The following EDARADD variants were observed in gnomAD, a reference collection of about 807,000 sequenced individuals.
EDARADD encodes ectodysplasin-A receptor-associated adapter protein.
EDARADD carries 20 observed loss-of-function variants against 25.6 expected under a neutral mutation model. That is an observed-to-expected ratio of 0.78 (90% CI 0.55 to 1.14). The LOEUF (loss-of-function observed/expected upper bound fraction) is 1.14, where lower values mean the gene tolerates loss of function less well. EDARADD is among the 50% of genes most tolerant of loss of function. The probability of loss-of-function intolerance (pLI) is 0.00; values close to 1 mark genes in which losing one functional copy is unlikely to be tolerated. For synonymous variants in EDARADD, 86 were observed against 94.4 expected, an observed-to-expected ratio of 0.91 and a Z score of 0.52; for missense variants, 225 against 270.1, an observed-to-expected ratio of 0.83 and a Z score of 1.17.
At chr1:236,467,424 G>GCACACACACA (rs369424991) in intron 4 of EDARADD, among the ~76,000 whole-genome samples, 75 of 120,896 alleles carry the variant, frequency 6.2e-4, no homozygotes, top group East Asian at 2.5e-3. Context: ...GCACACACAC[G>GCACACACACA]CGCACACACA....
At position 236,395,338 on chromosome 1, in the gene EDARADD, C is replaced by T; in HGVS notation, c.61+833C>T. On this transcript the variant is annotated intron_variant, in intron 1 of 5. Transcript: ENST00000334232. This position sits in a 1 kb window ranked among gnomAD's most constrained non-coding sequence, Gnocchi z 6.9. ...CGGGGCCCCGCCTTGCGTCCCAGCC[C>T]CGGGTCGCGGCACCCCGGCTCCCGC... 7.6e-7 allele frequency: 1 copy of T among 1,317,204 alleles called. No homozygotes were observed. The highest frequency in any genetic ancestry group is 1.6e-5 in the South Asian group (1 of 61,374). 81.6% of individuals were successfully genotyped at this position (1,317,204 alleles called of 1,614,324 possible).
chr1:236,459,841 T>C (rs1658991224), intron 4 of EDARADD, among the ~76,000 whole-genome samples: 1 of 152,032 alleles, frequency 6.6e-6, no homozygotes, highest in Non-Finnish European at 1.5e-5. Flanking sequence ...CTCAAACTCC[T>C]GGCCTTAGGT....
At chr1:236,447,289 A>G (rs892092354) in intron 4 of EDARADD, among the ~76,000 whole-genome samples, 1 of 139,314 alleles carries the variant, frequency 7.2e-6, no homozygotes, top group Non-Finnish European at 1.5e-5. Context: ...ATGGAGTCTC[A>G]CTCTGTCACC....
At chr1:236,393,981 G>A (rs975015948), upstream of EDARADD, among the ~76,000 whole-genome samples, 2 of 141,818 alleles carry the variant, frequency 1.4e-5, no homozygotes, top group East Asian at 2.2e-4. Flanking sequence ...TAATAACTAC[G>A]TAACTAGTCA....
At chr1:236,448,788 T>C (rs1658632787) in intron 4 of EDARADD, among the ~76,000 whole-genome samples, 1 of 152,136 alleles carries the variant, frequency 6.6e-6, no homozygotes, top group Non-Finnish European at 1.5e-5. Flanking sequence ...TTGTGTAGAC[T>C]TATAGGACAT....
At chr1:236,446,977 C>G (rs926450002) in intron 4 of EDARADD, among the ~76,000 whole-genome samples, 9 of 152,218 alleles carry the variant, frequency 5.9e-5, no homozygotes, top group Non-Finnish European at 2.9e-5. Flanking sequence ...GACAAGACCT[C>G]TGTCATCAGG....
At chr1:236,450,093 T>C (rs1658669941) in intron 4 of EDARADD, among the ~76,000 whole-genome samples, 1 of 90,722 alleles carries the variant, frequency 1.1e-5, no homozygotes, top group South Asian at 4.8e-4. Flanking sequence ...AGAACGAGAC[T>C]CTGTCTCCAA....
chr1:236,444,841 G>A (rs1324839534), intron 4 of EDARADD, among the ~76,000 whole-genome samples: 4 of 152,178 alleles, frequency 2.6e-5, no homozygotes, highest in African/African-American at 9.7e-5. Context: ...TCTTCAGTCT[G>A]AAACTGAACC....
chr1:236,370,148 C>G (rs539904351), intron 3 of EDARADD, among the ~76,000 whole-genome samples: 1 of 152,156 alleles, frequency 6.6e-6, no homozygotes, highest in Non-Finnish European at 1.5e-5. Context: ...TGGCCAGGCA[C>G]GGTGGCTCAC....
intron 1 of EDARADD, among the ~76,000 whole-genome samples, chr1:236,406,037 C>T (rs139383481): frequency 1.2e-3 from 174 of 150,846 alleles, no homozygotes; most frequent in African/African-American, 3.9e-3. Flanking sequence ...CATTTAAAGC[C>T]CCCAGCCTCA....
At chr1:236,426,684 A>G (rs1657926377) in intron 3 of EDARADD, among the ~76,000 whole-genome samples, 1 of 152,134 alleles carries the variant, frequency 6.6e-6, no homozygotes, top group Non-Finnish European at 1.5e-5. Flanking sequence ...AAGGCAGGAG[A>G]ATCACTTGAG....
At chr1:236,357,211 A>G (rs1456195563) in intron 3 of EDARADD, among the ~76,000 whole-genome samples, 10 of 152,224 alleles carry the variant, frequency 6.6e-5, no homozygotes, top group African/African-American at 2.4e-4. Flanking sequence ...TGCAGAAAGC[A>G]CTTCTGCTGC....
At chr1:236,352,187 C>A (rs944052843) in intron 3 of EDARADD, among the ~76,000 whole-genome samples, 44 of 152,288 alleles carry the variant, frequency 2.9e-4, no homozygotes, top group African/African-American at 1.1e-3. Flanking sequence ...ATATTCTATT[C>A]TCCTATGACC....
intron 1 of EDARADD, among the ~76,000 whole-genome samples, chr1:236,404,109 G>A (rs568271204): frequency 7.8e-4 from 119 of 152,314 alleles, no homozygotes; most frequent in Non-Finnish European, 1.2e-3. Context: ...ATGGGCTCAC[G>A]TGGCCCCGCT....
chr1:236,355,994 A>T (rs879359665), intron 3 of EDARADD, among the ~76,000 whole-genome samples: 1 of 152,198 alleles, frequency 6.6e-6, no homozygotes, highest in Non-Finnish European at 1.5e-5. Flanking sequence ...TATATATTTT[A>T]AAAATAGAGT....
rs1203129103 is a variant in EDARADD at position 236,477,467 on chromosome 1, G to A, written c.266-4800G>A. ...TTCTCAGGATTTTAAGGTGTTGCGC[G>A]GAAATAAGAAAACCGTACAGTGTTT... On this transcript the variant is annotated intron_variant, in intron 5 of 5. Transcript: ENST00000334232. Among the ~76,000 whole-genome samples, 9 of 152,208 alleles carry A rather than the reference G, an allele frequency of 5.9e-5. No homozygotes were observed. The South Asian group carries it at 1.0e-3, about 18-fold the overall frequency.
chr1:236,386,917 A>G (rs1407316623), intron 3 of EDARADD, among the ~76,000 whole-genome samples: 3 of 44,492 alleles, frequency 6.7e-5, no homozygotes, highest in South Asian at 1.8e-3. Context: ...TCCGGGAGGG[A>G]GGTGGGGGGG....
chr1:236,412,501 C>T (rs1267811318), intron 2 of EDARADD, among the ~76,000 whole-genome samples: 1 of 152,158 alleles, frequency 6.6e-6, no homozygotes, highest in Non-Finnish European at 1.5e-5. Flanking sequence ...CTTGGTCTTT[C>T]TTAGAAACTG....
At position 236,411,873 on chromosome 1, in the gene EDARADD, C is replaced by T. The variant is rs185431380; in HGVS notation, c.121-2387C>T. Among the ~76,000 whole-genome samples the T allele has an allele frequency of 2.8e-3, 427 of 152,220 alleles. 3 individuals carry two copies. The highest frequency in any genetic ancestry group is 3.4e-3 in the Middle Eastern group (1 of 294). On this transcript the variant is annotated intron_variant, in intron 2 of 5. Coordinates refer to ENST00000334232, the MANE Select transcript of EDARADD (RefSeq NM_145861.4). ...GCCCTCGTCTCTTCTTTTAAAGATA[C>T]CAATCATATTGGGTCAAGGGCCTAC... is the stretch of plus-strand genomic sequence containing the variant.
Sources: gnomAD v4.1 joint callset for allele counts (sites outside exome capture counted in the v4.1 genomes callset) on GRCh38, gnomAD v4.1.1 for gene constraint, Gnocchi (gnomAD v3.1) non-coding constraint, MANE v1.5 for transcripts, NCBI Gene and HGNC (gene_info 2026-07-23, HGNC 2026-07-21) for gene names.